SNTG1: variants seen among roughly 807,000 people sequenced by gnomAD.
The protein encoded by SNTG1 is syntrophin gamma 1.
In SNTG1, 39 loss-of-function variants were observed where a neutral mutation model predicts 74.7. That is an observed-to-expected ratio of 0.52 (90% CI 0.40 to 0.68). SNTG1 has a LOEUF of 0.68. Ranked by LOEUF, SNTG1 falls within the 30% of genes least tolerant of loss-of-function variation. The probability of loss-of-function intolerance (pLI) is 0.00; values close to 1 mark genes in which losing one functional copy is unlikely to be tolerated. For missense variants in SNTG1, 685 were observed against 609.5 expected, an observed-to-expected ratio of 1.12 and a Z score of -1.30; for synonymous variants, 254 against 217.1, an observed-to-expected ratio of 1.17 and a Z score of -1.49.
intron 17 of SNTG1, among the ~76,000 whole-genome samples, chr8:50,729,228 T>C (rs946029947): frequency 2.6e-5 from 4 of 152,196 alleles, no homozygotes; most frequent in South Asian, 2.1e-4. Flanking sequence ...ATACATTACA[T>C]ACTACAACTT....
At chr8:50,680,268 T>C (rs1192903409) in intron 15 of SNTG1, among the ~76,000 whole-genome samples, 1 of 152,132 alleles carries the variant, frequency 6.6e-6, no homozygotes, top group Non-Finnish European at 1.5e-5. Flanking sequence ...AATAAAACAA[T>C]TCAAACAGAA....
intron 1 of SNTG1, among the ~76,000 whole-genome samples, chr8:50,034,657 G>A (rs1271763548): frequency 6.6e-6 from 1 of 152,086 alleles, no homozygotes. Context: ...GGCCACACTG[G>A]AGAAAGAATT....
intron 13 of SNTG1, among the ~76,000 whole-genome samples, chr8:50,645,774 G>C (rs2095105152): frequency 6.6e-6 from 1 of 152,018 alleles, no homozygotes. Flanking sequence ...GTTATATTTT[G>C]CCTCATGTTT....
At chr8:50,217,725 G>A (rs966316103) in intron 2 of SNTG1, among the ~76,000 whole-genome samples, 4 of 152,092 alleles carry the variant, frequency 2.6e-5, no homozygotes, top group African/African-American at 9.7e-5. Flanking sequence ...TTCAAATTAT[G>A]AGGCTAAGAA....
At chr8:50,622,605 AC>A in intron 13 of SNTG1, among the ~76,000 whole-genome samples, 1 of 152,142 alleles carries the variant, frequency 6.6e-6, no homozygotes, top group East Asian at 1.9e-4. Flanking sequence ...ATTATATTTT[AC>A]CAATGACATT....
intron 1 of SNTG1, among the ~76,000 whole-genome samples, chr8:50,026,869 T>C (rs538132798): frequency 4.3e-4 from 65 of 152,282 alleles, no homozygotes; most frequent in African/African-American, 1.5e-3. Context: ...TAAGTGTTGA[T>C]GGTAAAAGAA....
intron 1 of SNTG1, among the ~76,000 whole-genome samples, chr8:50,150,957 A>G (rs575057993): frequency 9.7e-4 from 147 of 152,158 alleles, no homozygotes; most frequent in African/African-American, 3.4e-3. Context: ...CTCTTTTTCT[A>G]TTGATTGGGA....
At chr8:50,783,596 C>G (rs2095666424) in intron 18 of SNTG1, among the ~76,000 whole-genome samples, 1 of 152,236 alleles carries the variant, frequency 6.6e-6, no homozygotes, top group South Asian at 2.1e-4. Context: ...CAGGTGCCAT[C>G]TGTCACCCCT....
intron 2 of SNTG1, among the ~76,000 whole-genome samples, chr8:50,303,508 T>C (rs994227731): frequency 7.9e-5 from 12 of 151,940 alleles, no homozygotes; most frequent in African/African-American, 2.9e-4. Flanking sequence ...TTATTTTGCA[T>C]TGGAATACAT....
intron 2 of SNTG1, among the ~76,000 whole-genome samples, chr8:50,356,324 G>T (rs2091815781): frequency 6.6e-6 from 1 of 152,080 alleles, no homozygotes; most frequent in South Asian, 2.1e-4. Context: ...TCCTAATAGA[G>T]AAGTATGAGT....
chr8:50,100,762 A>G (rs1563593622), intron 1 of SNTG1, among the ~76,000 whole-genome samples: 1 of 152,052 alleles, frequency 6.6e-6, no homozygotes, highest in Non-Finnish European at 1.5e-5. Flanking sequence ...TAAAAGTACA[A>G]TAATACTTAA....
chr8:50,659,909 G>A (rs924007493), intron 15 of SNTG1, among the ~76,000 whole-genome samples: 10 of 151,676 alleles, frequency 6.6e-5, no homozygotes, highest in East Asian at 1.9e-4. Context: ...GTGTGATCTC[G>A]GCTCACTGCA....
chr8:50,384,715 T>C (rs2092546605), intron 2 of SNTG1, among the ~76,000 whole-genome samples: 1 of 152,106 alleles, frequency 6.6e-6, no homozygotes, highest in African/African-American at 2.4e-5. Context: ...CAGTGAATTG[T>C]GGTTAGGAAA....
intron 1 of SNTG1, among the ~76,000 whole-genome samples, chr8:50,101,415 C>G (rs2080119470): frequency 6.6e-6 from 1 of 152,082 alleles, no homozygotes; most frequent in Non-Finnish European, 1.5e-5. Flanking sequence ...TAAGCATTCC[C>G]TTTTCTTCAC....
chr8:50,757,418 G>A (rs1054988417), intron 18 of SNTG1, among the ~76,000 whole-genome samples: 11 of 151,706 alleles, frequency 7.3e-5, no homozygotes, highest in South Asian at 2.1e-4. Flanking sequence ...TTTATTTACC[G>A]TTGCTTAATG....
intron 2 of SNTG1, among the ~76,000 whole-genome samples, chr8:50,197,695 T>A (rs1318167574): frequency 6.6e-6 from 1 of 152,172 alleles, no homozygotes; most frequent in Non-Finnish European, 1.5e-5. Context: ...AAGGATATTC[T>A]ACTTTATCAT....
At chr8:50,277,401 A>G (rs1341015531) in intron 2 of SNTG1, among the ~76,000 whole-genome samples, 2 of 152,160 alleles carry the variant, frequency 1.3e-5, no homozygotes, top group African/African-American at 4.8e-5. Flanking sequence ...GCTTTATTAG[A>G]TTACAGAAAC....
chr8:50,616,507 G>A (rs930516528), intron 13 of SNTG1, among the ~76,000 whole-genome samples: 2 of 152,308 alleles, frequency 1.3e-5, no homozygotes, highest in African/African-American at 4.8e-5. Flanking sequence ...CACTGACAAG[G>A]TGAAAAAGCC....
intron 2 of SNTG1, among the ~76,000 whole-genome samples, chr8:50,392,780 A>C (rs2092679655): frequency 6.6e-6 from 1 of 152,304 alleles, no homozygotes; most frequent in Non-Finnish European, 1.5e-5. Context: ...GAAAGTATAG[A>C]TATAGCACCT....
Sources: gnomAD v4.1 joint callset for allele counts (sites outside exome capture counted in the v4.1 genomes callset) on GRCh38, gnomAD v4.1.1 for gene constraint, MANE v1.5 for transcripts, NCBI Gene and HGNC (gene_info 2026-07-23, HGNC 2026-07-21) for gene names.